SDR39U1: variants seen among roughly 807,000 people sequenced by gnomAD.
The protein encoded by SDR39U1 is short chain dehydrogenase/reductase family 39U member 1, also known as epimerase family protein SDR39U1.
Under a neutral mutation model 31.7 loss-of-function variants are expected in SDR39U1, and 29 were observed. The ratio of observed to expected loss-of-function variants is 0.92; its 90% CI spans 0.68 to 1.25. The LOEUF is 1.25. SDR39U1 is among the 50% of genes most tolerant of loss of function. SDR39U1 has a pLI of 0.00. For synonymous variants in SDR39U1, 147 were observed against 159.0 expected (o/e 0.92, Z 0.57); for missense variants, 403 against 378.4 (o/e 1.06, Z -0.54).
chr14:24,440,557 T>G (rs949341142), intron 5 of SDR39U1, 65 bp from the exon 6 acceptor site: 2 of 1,514,798 alleles, frequency 1.3e-6, no homozygotes, highest in Admixed American at 2.0e-5. Context: ...CTGCTCCTCC[T>G]GGTTTCTGTT....
rs775622514 is a variant in SDR39U1 at position 24,440,942 on chromosome 14, A to G, written c.329-16T>C. 32 of 1,613,928 alleles carry G rather than the reference A, an allele frequency of 2.0e-5. No individual in the cohort carries two copies. Among genetic ancestry groups the G allele is most frequent in the Non-Finnish European group, 2.6e-5 (31 of 1,179,836 alleles). On this transcript the variant is annotated splice_polypyrimidine_tract_variant and intron_variant, in intron 4 of 5. Transcript: ENST00000399395. ...TGGTAGTAAGCTGCCGGTGGAACACAATCATTTGCCCTGGGTGTCCTTGGT... is the reference window on the plus strand; with the variant it reads ...TGGTAGTAAGCTGCCGGTGGAACACGATCATTTGCCCTGGGTGTCCTTGGT...
chr14:24,442,492 TG>T (rs1270113072), intron 1 of SDR39U1, 40 bp from the exon 2 acceptor site: 1 of 1,550,328 alleles, frequency 6.5e-7, no homozygotes, highest in Non-Finnish European at 8.8e-7. Flanking sequence ...CCCGTGGAGT[TG>T]GGGTGGGGGC....
At chr14:24,442,806 A>T (rs755305740), upstream of SDR39U1, 1 of 1,613,114 alleles carries the variant, frequency 6.2e-7, no homozygotes, top group Non-Finnish European at 8.5e-7. Flanking sequence ...TAAAGTTTAG[A>T]GTTTACCTCA....
chr14:24,442,152 G>A, intron 3 of SDR39U1, 26 bp downstream of exon 3: 2 of 1,602,152 alleles, frequency 1.2e-6, no homozygotes, highest in Non-Finnish European at 1.7e-6. Context: ...GCTCTAGTGG[G>A]TATCAGCTTT....
At chr14:24,440,517 C>T (rs900052410) in intron 5 of SDR39U1, 25 bp from the exon 6 acceptor site, 40 of 1,583,894 alleles carry the variant, frequency 2.5e-5, no homozygotes, top group Non-Finnish European at 2.6e-5. Context: ...AGGGAAGGTA[C>T]AGGGGTCCTC....
rs772887554 is a variant in SDR39U1, at chr14:24,440,068, C to G, written c.*15G>C. 1.9e-6 allele frequency: 3 copies of G among 1,575,822 alleles called. No individual in the cohort carries two copies. In the African/African-American group the frequency reaches 4.0e-5, roughly 21 times the overall value. On this transcript the variant is annotated 3_prime_UTR_variant, in exon 6 of 6. Transcript: ENST00000399395. ...GCCTGTGAGGAACAGGCCTCAGGCC[C>G]TTGCCACGACCTACTTAGGCTACAA...
intron 4 of SDR39U1, chr14:24,441,254 A>G: frequency 2.2e-6 from 1 of 463,124 alleles, no homozygotes; most frequent in South Asian, 2.1e-5. Flanking sequence ...TCTGTATAGA[A>G]TTTTCACATC....
chr14:24,442,300 G>C lies in SDR39U1; in HGVS notation c.124-40C>G, dbSNP rs751161738. 1.9e-6 allele frequency: 3 copies of C among 1,580,060 alleles called. No individual in the cohort carries two copies. In the African/African-American group the frequency reaches 5.6e-5, roughly 29 times the overall value. ...ACACAGTGCCCCTGCCCCGCCCTGC[G>C]CCGCCCAACTCTGCCCTCCCACCCG... On this transcript the variant is annotated intron_variant, in intron 2 of 5. Transcript: ENST00000399395.
intron 5 of SDR39U1, 27 bp from the exon 6 acceptor site, chr14:24,440,519 G>T (rs776703575): frequency 6.3e-7 from 1 of 1,583,472 alleles, no homozygotes; most frequent in East Asian, 2.3e-5. Context: ...GGAAGGTACA[G>T]GGGTCCTCTC....
rs772276128 is a variant in SDR39U1 at position 24,442,367 on chromosome 14, G to A, written c.102C>T (p.Pro34=). 51 of 1,611,604 alleles carry A rather than the reference G, an allele frequency of 3.2e-5. No individual in the cohort carries two copies. The highest frequency in any genetic ancestry group is 4.3e-5 in the Non-Finnish European group (51 of 1,178,912). The change falls in exon 2 of 6, where the codon CCC becomes CCT. Residue 34 remains proline, a synonymous_variant. Coordinates refer to ENST00000399395, the MANE Select transcript of SDR39U1 (RefSeq NM_020195.3). ...GHEVTLVSRK[P]GPGRITWDEL... ...TTACCCACGTGATCCGGCCGGGCCCGGGCTTTCGGGAGACCAACGTCACTT... is the reference window on the plus strand; with the variant it reads ...TTACCCACGTGATCCGGCCGGGCCCAGGCTTTCGGGAGACCAACGTCACTT...
intron 1 of SDR39U1, 80 bp downstream of exon 1, chr14:24,442,674 G>C: frequency 1.9e-6 from 3 of 1,563,630 alleles, no homozygotes; most frequent in Admixed American, 1.7e-5. Context: ...GCACTAGACA[G>C]TGCCCTCCCG....
Position 24,442,436 on chromosome 14 carries a change from G to C in SDR39U1, c.33C>G (p.Phe11Leu). 1.2e-6 allele frequency: 2 copies of C among 1,607,362 alleles called. No homozygotes were observed. The highest frequency in any genetic ancestry group is 1.7e-6 in the Non-Finnish European group (2 of 1,176,854). MRVLVGGGTG[F>L]IGTALTQLLN... ...GCAGCTGGGTTAGGGCTGTCCCAAT[G>C]AAGCCTGTCCCGCCACCTGATCGGA... Residue 11 changes from phenylalanine to leucine, a missense_variant, in exon 2 of 6, where the codon TTC becomes TTG. Phe to Leu is a conservative substitution (Grantham distance 22). Transcript: ENST00000399395.
chr14:24,442,711 C>T, intron 1 of SDR39U1, 43 bp downstream of exon 1: 1 of 1,612,856 alleles, frequency 6.2e-7, no homozygotes, highest in Non-Finnish European at 8.5e-7. Context: ...CCTCAATCTC[C>T]GACTAAGCCC....
rs1369200371 is a variant in SDR39U1 at position 24,441,930 on chromosome 14, ACGT to A, written c.207-138_207-136del. ...AATTTCGGCTTAAGAGAAACAGTCA[ACGT>A]CTCCTGTAGAGGGAAAGGGCATTCA... On this transcript the variant is annotated intron_variant, in intron 3 of 5. Transcript: ENST00000399395. 3.7e-6 allele frequency: 5 copies of A among 1,366,312 alleles called. No individual in the cohort carries two copies. In the African/African-American group the frequency reaches 7.2e-5, roughly 20 times the overall value. 84.6% of individuals were successfully genotyped at this position (1,366,312 alleles called of 1,614,324 possible). A position where few individuals can be genotyped will look rare whatever the true frequency, so the allele number is the denominator to read the frequency against.
At chr14:24,442,038 G>A (rs2043359566) in intron 3 of SDR39U1, 140 bp downstream of exon 3, 3 of 1,529,412 alleles carry the variant, frequency 2.0e-6, no homozygotes, top group East Asian at 2.4e-5. Flanking sequence ...GGGTGGAGGA[G>A]TGGAGCAGAA....
intron 4 of SDR39U1, 124 bp from the exon 5 acceptor site, chr14:24,441,050 AT>A: frequency 9.4e-7 from 1 of 1,067,696 alleles, no homozygotes; most frequent in Non-Finnish European, 1.4e-6. Flanking sequence ...AGACAGAGCC[AT>A]TTGGATATTT....
In SDR39U1 at chr14:24,442,214, T is replaced by C. The variant is rs778679443; in HGVS notation, c.170A>G (p.Asn57Ser). 7.4e-6 allele frequency: 12 copies of C among 1,611,962 alleles called. No individual in the cohort carries two copies. In the Admixed American group the frequency reaches 1.0e-4, roughly 13 times the overall value. ...SGLPSCDAAV[N>S]LAGENILNPL... ...GTTGAGGATGTTCTCTCCGGCCAGG[T>C]TGACGGCGGCATCGCAGCTCGGCAG... Residue 57 changes from asparagine (N) to serine (S), a missense_variant, in exon 3 of 6, where the codon AAC (asparagine) becomes AGC (serine). Asn to Ser is a conservative substitution (Grantham distance 46). Coordinates refer to ENST00000399395, the MANE Select transcript of SDR39U1 (RefSeq NM_020195.3).
Position 24,441,789 on chromosome 14 carries a change from A to G in SDR39U1, c.213T>C (p.Asn71=), listed in dbSNP as rs766753296. ...CGATTACCTCTTTTTGGAAGGTTTCATTCCATCTGCAGGAGAAACATGGGA... is the reference window on the plus strand; with the variant it reads ...CGATTACCTCTTTTTGGAAGGTTTCGTTCCATCTGCAGGAGAAACATGGGA... ...ENILNPLRRW[N]ETFQKEVIGS... is the part of the protein sequence containing the mutation. Residue 71 remains asparagine (N), a synonymous_variant, in exon 4 of 6, where the codon AAT becomes AAC. Transcript: ENST00000399395. The G allele has an allele frequency of 2.5e-6, 4 of 1,606,276 alleles. No homozygotes were observed. Among genetic ancestry groups the G allele is most frequent in the Non-Finnish European group, 3.4e-6 (4 of 1,177,242 alleles).
In SDR39U1 at chr14:24,440,402, TG is replaced by T; in HGVS notation, c.562del (p.Gln188AsnfsTer15). 6.2e-7 allele frequency: 1 copy of T among 1,613,806 alleles called. No homozygotes were observed. The highest frequency in any genetic ancestry group is 8.5e-7 in the Non-Finnish European group (1 of 1,179,812). ...CCCGATGTGTATCCAGGGGAAGAAT[TG>T]GTGGCCTGAGCCGATGGGGCCCCCC... ...GLGGPIGSGH[Q>X]FFPWIHIGDL... On this transcript the variant is annotated frameshift_variant, in exon 6 of 6. Transcript: ENST00000399395. LOFTEE classifies it high-confidence loss of function.
Sources: allele counts gnomAD v4.1 joint callset, GRCh38; gene constraint gnomAD v4.1.1; transcripts MANE v1.5; gene names NCBI Gene and HGNC (gene_info 2026-07-23, HGNC 2026-07-21).